ANK1: variants seen among roughly 807,000 people sequenced by gnomAD.
ANK1 encodes ankyrin-1.
In ANK1, 51 loss-of-function variants were observed where a neutral mutation model predicts 210.4. The ratio of observed to expected loss-of-function variants is 0.24; its 90% CI spans 0.19 to 0.31. The LOEUF (loss-of-function observed/expected upper bound fraction) is 0.31. Ranked by LOEUF, ANK1 falls within the 10% of genes least tolerant of loss-of-function variation. The pLI is 1.00. For synonymous variants in ANK1, 967 were observed against 1,025.9 expected, an observed-to-expected ratio of 0.94 and a Z score of 1.10; for missense variants, 2,051 against 2,504.4, an observed-to-expected ratio of 0.82 and a Z score of 3.86.
At chr8:41,869,071 A>G (rs1285215231) in intron 1 of ANK1, among the ~76,000 whole-genome samples, 2 of 152,226 alleles carry the variant, frequency 1.3e-5, no homozygotes, top group African/African-American at 2.4e-5. Context: ...GAGAAACTCA[A>G]TAAACAATGG....
At chr8:41,666,221 A>G (rs1810507732) in intron 39 of ANK1, among the ~76,000 whole-genome samples, 1 of 146,378 alleles carries the variant, frequency 6.8e-6, no homozygotes, top group Non-Finnish European at 1.5e-5. Context: ...TGCTAACACT[A>G]TGAATGATAA....
chr8:41,896,309 T>C, intron 1 of ANK1: 1 of 1,572,094 alleles, frequency 6.4e-7, no homozygotes, highest in Non-Finnish European at 8.6e-7. Flanking sequence ...CAGCAGCCAC[T>C]TGCAGGTGCC....
chr8:41,679,191 T>G (rs1307720475), intron 37 of ANK1, among the ~76,000 whole-genome samples: 1 of 152,256 alleles, frequency 6.6e-6, no homozygotes, highest in Non-Finnish European at 1.5e-5. Context: ...GTGTGTCTGA[T>G]TACTTTTAAT....
At chr8:41,663,405 C>A (rs1352305217) in intron 40 of ANK1, among the ~76,000 whole-genome samples, 1 of 152,140 alleles carries the variant, frequency 6.6e-6, no homozygotes, top group Non-Finnish European at 1.5e-5. Context: ...TGGGGGCTGG[C>A]CCTTCTGGAA....
rs1285981952 is a variant in ANK1 at position 41,701,603 on chromosome 8, C to T, written c.2408G>A (p.Arg803Gln). 6.2e-7 allele frequency: 1 copy of T among 1,614,102 alleles called. No homozygotes were observed. The highest frequency in any genetic ancestry group is 1.1e-5 in the South Asian group (1 of 91,072). Residue 803 changes from arginine to glutamine, a missense_variant, in exon 22 of 43, where the codon CGA becomes CAA. Physicochemically the swap from Arg to Gln is conservative, Grantham distance 43 (BLOSUM62 1). Transcript: ENST00000289734. ...ATCAACTGTCTCAGGGAAACTCATT[C>T]GATGCTTATCACTGACTAACTAAAA... ...TSFVLVSDKH[R>Q]MSFPETVDEI...
intron 39 of ANK1, chr8:41,664,712 T>C (rs1809787365): frequency 1.5e-6 from 2 of 1,303,656 alleles, no homozygotes; most frequent in Admixed American, 4.0e-5. Flanking sequence ...GTCTCCCAAC[T>C]CTGGGTCCGG....
intron 22 of ANK1, chr8:41,700,462 G>A: frequency 6.2e-7 from 1 of 1,613,406 alleles, no homozygotes; most frequent in Non-Finnish European, 8.5e-7. Flanking sequence ...TTCCTGGAAA[G>A]CAAAGGAGAG....
At chr8:41,736,021 A>G (rs1020003552) in intron 2 of ANK1, among the ~76,000 whole-genome samples, 1 of 152,112 alleles carries the variant, frequency 6.6e-6, no homozygotes, top group Non-Finnish European at 1.5e-5. Flanking sequence ...ACCACTGGCC[A>G]TTAGGTTTCC....
chr8:41,872,045 T>G (rs1815619417), intron 1 of ANK1, among the ~76,000 whole-genome samples: 1 of 152,228 alleles, frequency 6.6e-6, no homozygotes, highest in Admixed American at 6.5e-5. Context: ...GTCCTCACTT[T>G]GCTCAGTCTA....
At chr8:41,773,728 C>A (rs919474936) in intron 1 of ANK1, among the ~76,000 whole-genome samples, 1 of 152,266 alleles carries the variant, frequency 6.6e-6, no homozygotes, top group Non-Finnish European at 1.5e-5. Flanking sequence ...AACCCCCGCT[C>A]CCTCCTGCAT....
At chr8:41,805,621 TA>T (rs1850854987) in intron 1 of ANK1, among the ~76,000 whole-genome samples, 1 of 152,198 alleles carries the variant, frequency 6.6e-6, no homozygotes, top group African/African-American at 2.4e-5. Context: ...TGAGAGTTTC[TA>T]AAACTATGTA....
Position 41,697,677 on chromosome 8 carries a change from C to T in ANK1, c.2637+366G>A, listed in dbSNP as rs77163975. 4.6e-5 allele frequency: 17 copies of T among 366,226 alleles called. No homozygotes were observed. In the East Asian group the frequency reaches 7.5e-4, roughly 16 times the overall value. The allele number at this position is 366,226 out of a possible 1,614,324, so 22.7% of individuals were successfully genotyped here. On this transcript the variant is annotated intron_variant, in intron 24 of 42. Transcript: ENST00000289734. ...TCCAGCCCTCCTGCCTGAGCCTGTC[C>T]GGGGTGCACAGCAGGAATCCAGTAA...
chr8:41,728,097 G>C (rs1434806777), intron 3 of ANK1, 91 bp from the exon 4 acceptor site: 4 of 1,307,026 alleles, frequency 3.1e-6, no homozygotes, highest in Non-Finnish European at 4.4e-6. Flanking sequence ...CTGCTTGAGG[G>C]ACCCGGGGGC....
intron 1 of ANK1, among the ~76,000 whole-genome samples, chr8:41,815,621 C>G (rs553439805): frequency 4.1e-4 from 62 of 152,116 alleles, no homozygotes; most frequent in Non-Finnish European, 7.6e-4. Flanking sequence ...CTTATAACAA[C>G]TTACTTTCCT....
chr8:41,843,798 T>A (rs1809491878), intron 1 of ANK1, among the ~76,000 whole-genome samples: 1 of 152,192 alleles, frequency 6.6e-6, no homozygotes. Flanking sequence ...TAACTCAAGA[T>A]ACGTATGATG....
At chr8:41,852,688 A>G (rs1431104782) in intron 1 of ANK1, among the ~76,000 whole-genome samples, 1 of 152,238 alleles carries the variant, frequency 6.6e-6, no homozygotes, top group Non-Finnish European at 1.5e-5. Flanking sequence ...CACAGAGCCA[A>G]GGAGCTGCAG....
intron 1 of ANK1, among the ~76,000 whole-genome samples, chr8:41,825,409 G>C (rs1298027345): frequency 6.6e-6 from 1 of 152,174 alleles, no homozygotes; most frequent in African/African-American, 2.4e-5. Flanking sequence ...TGGCCTTGGG[G>C]TCACACTTTC....
At chr8:41,819,606 C>A (rs2150788184) in intron 1 of ANK1, among the ~76,000 whole-genome samples, 1 of 152,272 alleles carries the variant, frequency 6.6e-6, no homozygotes, top group South Asian at 2.1e-4. Flanking sequence ...CAGCGCTAAC[C>A]AAGCAATCAA....
At chr8:41,768,549 G>T (rs73621181) in intron 1 of ANK1, among the ~76,000 whole-genome samples, 4,036 of 152,162 alleles carry the variant, frequency 0.027, 187 homozygotes, top group African/African-American at 0.089. Flanking sequence ...GGAGGTAATG[G>T]GTGGAGACCA....
Sources: gnomAD v4.1 joint callset for allele counts (sites outside exome capture counted in the v4.1 genomes callset) on GRCh38, gnomAD v4.1.1 for gene constraint, MANE v1.5 for transcripts, NCBI Gene and HGNC (gene_info 2026-07-23, HGNC 2026-07-21) for gene names.